Variants in NPHS2 observed in about 807,000 individuals in gnomAD.
The protein encoded by NPHS2 is podocin.
NPHS2 carries 36 observed loss-of-function variants against 37.1 expected under a neutral mutation model. The observed-to-expected ratio is 0.97, with a 90% CI of 0.74 to 1.28. The LOEUF (loss-of-function observed/expected upper bound fraction) is 1.28, where lower values mean the gene tolerates loss of function less well. Among genes scored for constraint, NPHS2 ranks in the 50% most tolerant of loss-of-function variants. The pLI is 0.00. For missense variants in NPHS2, 447 were observed against 488.1 expected (o/e 0.92, Z 0.79); for synonymous variants, 196 against 189.3 (o/e 1.04, Z -0.29).
chr1:179,557,458 A>G (rs1018798202), intron 4 of NPHS2, among the ~76,000 whole-genome samples: 4 of 152,252 alleles, frequency 2.6e-5, no homozygotes, highest in Non-Finnish European at 4.4e-5. Context: ...AAAAAAAATC[A>G]GAAATAATTT....
intron 5 of NPHS2, 56 bp from the exon 6 acceptor site, chr1:179,554,587 GCCTAAAC>G: frequency 6.2e-7 from 1 of 1,610,708 alleles, no homozygotes; most frequent in Non-Finnish European, 8.5e-7. Flanking sequence ...AGGAGAGCAT[GCCTAAAC>G]CCTGGTGGCC....
In NPHS2 at chr1:179,556,210, C is replaced by G. The variant is rs1673917819; in HGVS notation, c.738+817G>C. On this transcript the variant is annotated intron_variant, in intron 5 of 7. Transcript: ENST00000367615. This position sits in a 1 kb window ranked among gnomAD's most constrained non-coding sequence, Gnocchi z 4.1. Reference sequence around the variant, plus strand: ...ATAATTGCCACCAGTGCCTTTGATTCTTGGGGTCCCTCTATTTGAGGTCCT... The same window carrying G: ...ATAATTGCCACCAGTGCCTTTGATTGTTGGGGTCCCTCTATTTGAGGTCCT... 6.6e-6 allele frequency among the ~76,000 whole-genome samples: 1 copy of G among 152,190 alleles called. No individual in the cohort carries two copies. The highest frequency in any genetic ancestry group is 6.5e-5 in the Admixed American group (1 of 15,280).
At chr1:179,560,017 C>T (rs1439233875) in intron 3 of NPHS2, among the ~76,000 whole-genome samples, 1 of 152,138 alleles carries the variant, frequency 6.6e-6, no homozygotes, top group Non-Finnish European at 1.5e-5. Flanking sequence ...CATGGTGCTG[C>T]CTCCCCAGGT....
intron 6 of NPHS2, 92 bp downstream of exon 6, chr1:179,554,384 C>T (rs1187401553): frequency 6.2e-6 from 9 of 1,462,344 alleles, no homozygotes; most frequent in South Asian, 2.3e-5. Flanking sequence ...CTATAGTACT[C>T]AGTGAAAATA....
Position 179,575,615 on chromosome 1 carries a change from A to G in NPHS2, c.250T>C (p.Leu84=). The part of the protein sequence containing the change: ...GEEGTEVVAL[L]ESERPEEGTK... ...CCTTCCTCGGGCCGCTCGCTCTCCAACAGCGCCACCACCTCGGTGCCCTCC... is the reference window on the plus strand; with the variant it reads ...CCTTCCTCGGGCCGCTCGCTCTCCAGCAGCGCCACCACCTCGGTGCCCTCC... Residue 84 remains leucine (L), a synonymous_variant, in exon 1 of 8, where the codon TTG becomes CTG. Transcript: ENST00000367615. The G allele has an allele frequency of 6.2e-7, 1 of 1,602,994 alleles. No homozygotes were observed. Among genetic ancestry groups the G allele is most frequent in the Non-Finnish European group, 8.5e-7 (1 of 1,179,816 alleles).
chr1:179,570,422 C>T (rs1057381019), intron 1 of NPHS2, among the ~76,000 whole-genome samples: 2 of 152,140 alleles, frequency 1.3e-5, no homozygotes, highest in Non-Finnish European at 2.9e-5. Flanking sequence ...AAGGGATGGC[C>T]GAATGAAAGG....
chr1:179,566,968 C>A (rs940877926), intron 1 of NPHS2, among the ~76,000 whole-genome samples: 6 of 151,612 alleles, frequency 4.0e-5, no homozygotes, highest in Admixed American at 3.3e-4. Context: ...GTTACTGTAG[C>A]CTTGTAGTAT....
intron 6 of NPHS2, among the ~76,000 whole-genome samples, chr1:179,553,789 C>T (rs557233697): frequency 1.1e-4 from 17 of 152,254 alleles, no homozygotes; most frequent in African/African-American, 3.6e-4. Flanking sequence ...CTCTGTCACC[C>T]GGGCTGGAGT....
rs1292541006 is a variant in NPHS2 at position 179,551,356 on chromosome 1, G to T, written c.969C>A (p.Tyr323Ter). The change falls in exon 8 of 8, where the codon TAC becomes TAA. Residue 323 changes from tyrosine to a stop codon, truncating the protein, a stop_gained. Coordinates refer to ENST00000367615, the MANE Select transcript of NPHS2 (RefSeq NM_014625.4). LOFTEE classifies it high-confidence loss of function. ...SGTPAAVQLR[Y>*]LHTLQSLSTE... Reference sequence around the variant, plus strand: ...TGGACAGAGACTGAAGGGTGTGGAGGTATCGAAGCTGAACGGCAGCAGGGG... The same window carrying T: ...TGGACAGAGACTGAAGGGTGTGGAGTTATCGAAGCTGAACGGCAGCAGGGG... 2.5e-6 allele frequency: 4 copies of T among 1,614,026 alleles called. No homozygotes were observed. The highest frequency in any genetic ancestry group is 1.1e-5 in the South Asian group (1 of 91,086).
At chr1:179,567,878 G>T (rs928732665) in intron 1 of NPHS2, among the ~76,000 whole-genome samples, 1 of 152,144 alleles carries the variant, frequency 6.6e-6, no homozygotes, top group Non-Finnish European at 1.5e-5. Context: ...TTATTGATTT[G>T]CATATGTTGA....
chr1:179,568,212 T>C (rs1465416899), intron 1 of NPHS2, among the ~76,000 whole-genome samples: 1 of 152,190 alleles, frequency 6.6e-6, no homozygotes, highest in East Asian at 1.9e-4. Context: ...AGGCTATTAT[T>C]TATTGCCTCA....
At chr1:179,574,234 G>A (rs1198064253) in intron 1 of NPHS2, among the ~76,000 whole-genome samples, 1 of 152,102 alleles carries the variant, frequency 6.6e-6, no homozygotes, top group East Asian at 1.9e-4. Flanking sequence ...AGAAATGAGG[G>A]GCAGCAGCAA....
At chr1:179,560,386 C>T (rs1437847329) in intron 3 of NPHS2, among the ~76,000 whole-genome samples, 1 of 152,032 alleles carries the variant, frequency 6.6e-6, no homozygotes, top group East Asian at 1.9e-4. Context: ...CTGCAAAAGC[C>T]AAAGCTTTGT....
At chr1:179,568,011 T>C (rs1348836675) in intron 1 of NPHS2, among the ~76,000 whole-genome samples, 1 of 152,188 alleles carries the variant, frequency 6.6e-6, no homozygotes. Context: ...GGTCTAAAAT[T>C]CTCTTTTTTT....
rs530410977 is a variant in NPHS2 at position 179,567,120 on chromosome 1, G to A, written c.275-2327C>T. On this transcript the variant is annotated intron_variant, in intron 1 of 7. Coordinates refer to ENST00000367615, the MANE Select transcript of NPHS2 (RefSeq NM_014625.4). Reference sequence around the variant, plus strand: ...CTGTGAAGAAAGTCATTGGTAGCTTGATGGGGATGGCATTGAATCTATAAA... The same window carrying A: ...CTGTGAAGAAAGTCATTGGTAGCTTAATGGGGATGGCATTGAATCTATAAA... Among the ~76,000 whole-genome samples, 17 of 152,324 alleles carry A rather than the reference G, an allele frequency of 1.1e-4. No homozygotes were observed. The South Asian group carries it at 3.5e-3, about 32-fold the overall frequency.
In NPHS2 at chr1:179,559,729, AG is replaced by A. The variant is rs750373262; in HGVS notation, c.483del (p.Tyr162ThrfsTer19). The stretch of plus-strand genomic sequence containing the variant: ...TGGAGACGAAGGTCAACCTTGTGGT[AG>A]GTATCCAGGCAGGGCAAAAAAAAGA... ...GLFFFLPCLD[T>X]YHKVDLRLQT... On this transcript the variant is annotated frameshift_variant, in exon 4 of 8. Transcript: ENST00000367615. LOFTEE classifies it high-confidence loss of function. 2 of 1,591,590 alleles carry A rather than the reference AG, an allele frequency of 1.3e-6. No individual in the cohort carries two copies. Among genetic ancestry groups the A allele is most frequent in the Admixed American group, 3.4e-5 (2 of 58,316 alleles).
chr1:179,554,621 G>A (rs150466661), intron 5 of NPHS2, 90 bp from the exon 6 acceptor site: 3 of 1,543,804 alleles, frequency 1.9e-6, no homozygotes, highest in South Asian at 1.1e-5. Flanking sequence ...CTGTACTAAG[G>A]AACAACATTC....
intron 7 of NPHS2, chr1:179,551,833 G>A (rs1379588570): frequency 3.7e-6 from 1 of 271,290 alleles, no homozygotes; most frequent in Non-Finnish European, 7.1e-6. Flanking sequence ...AAACATTTCT[G>A]AAGTGAAAGT....
rs550182729 is a variant in NPHS2 at position 179,559,764 on chromosome 1, A to G, written c.452-3T>C. 3.2e-6 allele frequency: 5 copies of G among 1,567,802 alleles called. No individual in the cohort carries two copies. The African/African-American group carries it at 6.8e-5, about 21-fold the overall frequency. On this transcript the variant is annotated splice_polypyrimidine_tract_variant and splice_region_variant and intron_variant, in intron 3 of 7. Coordinates refer to ENST00000367615, the MANE Select transcript of NPHS2 (RefSeq NM_014625.4). ...GCAGGGCAAAAAAAAGAAAAGACCT[A>G]AAAGAGAGGAGGAGGAAGTGACAGA...
Sources: allele counts gnomAD v4.1 joint callset (sites outside exome capture counted in the v4.1 genomes callset), GRCh38; gene constraint gnomAD v4.1.1; non-coding constraint Gnocchi (gnomAD v3.1); transcripts MANE v1.5; gene names NCBI Gene and HGNC (gene_info 2026-07-23, HGNC 2026-07-21).